The following CCBE1 variants were observed in gnomAD, a reference collection of about 807,000 sequenced individuals.
CCBE1 encodes the protein collagen and calcium binding EGF domains 1, also known as collagen and calcium-binding EGF domain-containing protein 1.
Under a neutral mutation model 50.0 loss-of-function variants are expected in CCBE1, and 37 were observed. The ratio of observed to expected loss-of-function variants is 0.74; its 90% CI spans 0.57 to 0.97. CCBE1 has a LOEUF of 0.97. CCBE1 is among the 50% of genes least tolerant of loss of function. CCBE1 has a pLI of 0.00. For synonymous variants in CCBE1, 234 were observed against 203.7 expected, an observed-to-expected ratio of 1.15 and a Z score of -1.27; for missense variants, 538 against 523.8, an observed-to-expected ratio of 1.03 and a Z score of -0.26.
At chr18:59,509,841 G>C (rs1441127201) in intron 2 of CCBE1, among the ~76,000 whole-genome samples, 1 of 151,986 alleles carries the variant, frequency 6.6e-6, no homozygotes, top group Non-Finnish European at 1.5e-5. Context: ...TTATTAATGA[G>C]CTGGGTGAGA....
chr18:59,525,911 T>C (rs531282187), intron 2 of CCBE1, among the ~76,000 whole-genome samples: 19 of 152,328 alleles, frequency 1.2e-4, no homozygotes, highest in South Asian at 1.2e-3. Flanking sequence ...TGTGTGGTCT[T>C]ATTTCTGAGT....
At chr18:59,538,232 C>T (rs1915329464) in intron 2 of CCBE1, among the ~76,000 whole-genome samples, 2 of 152,252 alleles carry the variant, frequency 1.3e-5, no homozygotes, top group East Asian at 1.9e-4. Flanking sequence ...TAGTAAATTC[C>T]CAATGTATCC....
chr18:59,643,032 C>G (rs1188853314), intron 2 of CCBE1, among the ~76,000 whole-genome samples: 1 of 150,990 alleles, frequency 6.6e-6, no homozygotes, highest in East Asian at 1.9e-4. Context: ...ATGTTCTAGG[C>G]AAATGGTTGT....
At chr18:59,635,504 T>C (rs1468572832) in intron 2 of CCBE1, among the ~76,000 whole-genome samples, 1 of 151,562 alleles carries the variant, frequency 6.6e-6, no homozygotes, top group Non-Finnish European at 1.5e-5. Context: ...AAATCTAATT[T>C]CCGGGAATTG....
intron 2 of CCBE1, among the ~76,000 whole-genome samples, chr18:59,624,103 A>G (rs1225502362): frequency 1.3e-5 from 2 of 152,214 alleles, no homozygotes; most frequent in African/African-American, 2.4e-5. Flanking sequence ...CAGAAATGCA[A>G]TTTAAGAAGA....
intron 2 of CCBE1, among the ~76,000 whole-genome samples, chr18:59,534,444 C>A (rs1178702507): frequency 6.6e-6 from 1 of 152,162 alleles, no homozygotes; most frequent in Non-Finnish European, 1.5e-5. Context: ...ACCAGCCAGG[C>A]CTTTGGGCTG....
chr18:59,555,725 G>A (rs561369166), intron 2 of CCBE1, among the ~76,000 whole-genome samples: 24 of 148,970 alleles, frequency 1.6e-4, no homozygotes, highest in African/African-American at 4.0e-4. Flanking sequence ...GAAACAGACC[G>A]ATTCCATTTC....
At chr18:59,600,405 G>T (rs990621751) in intron 2 of CCBE1, among the ~76,000 whole-genome samples, 2 of 151,984 alleles carry the variant, frequency 1.3e-5, no homozygotes, top group African/African-American at 4.8e-5. Flanking sequence ...GGTGAGTTGT[G>T]TAAGTATGTT....
At chr18:59,629,828 G>C (rs1442519689) in intron 2 of CCBE1, among the ~76,000 whole-genome samples, 3 of 152,158 alleles carry the variant, frequency 2.0e-5, no homozygotes, top group Admixed American at 1.3e-4. Context: ...GGTGCCTTCA[G>C]GGGGAGGTAG....
At chr18:59,454,214 T>C (rs903367764) in intron 6 of CCBE1, among the ~76,000 whole-genome samples, 6 of 152,172 alleles carry the variant, frequency 3.9e-5, no homozygotes, top group African/African-American at 1.4e-4. Flanking sequence ...ACATAGATTA[T>C]TTCCATAATC....
At chr18:59,553,646 A>G (rs1022536585) in intron 2 of CCBE1, among the ~76,000 whole-genome samples, 11 of 152,094 alleles carry the variant, frequency 7.2e-5, no homozygotes, top group African/African-American at 2.7e-4. Context: ...TCGCAGTGCC[A>G]CTCCTATTTG....
chr18:59,610,663 G>A (rs1002570646), intron 2 of CCBE1, among the ~76,000 whole-genome samples: 6 of 152,222 alleles, frequency 3.9e-5, no homozygotes, highest in African/African-American at 1.2e-4. Flanking sequence ...TTCCAACAGG[G>A]AAAGGAGCAT....
At chr18:59,679,732 C>T (rs1383221849) in intron 2 of CCBE1, among the ~76,000 whole-genome samples, 1 of 152,188 alleles carries the variant, frequency 6.6e-6, no homozygotes, top group Non-Finnish European at 1.5e-5. Flanking sequence ...TGAGGATGCG[C>T]GTCCATGACA....
intron 2 of CCBE1, among the ~76,000 whole-genome samples, chr18:59,494,179 T>C (rs1230193774): frequency 6.6e-6 from 1 of 152,202 alleles, no homozygotes; most frequent in Admixed American, 6.5e-5. Flanking sequence ...ATAAACTCAA[T>C]TTCAGGAGCC....
chr18:59,693,456 T>G (rs903480593), intron 2 of CCBE1, among the ~76,000 whole-genome samples: 1 of 152,118 alleles, frequency 6.6e-6, no homozygotes, highest in African/African-American at 2.4e-5. Flanking sequence ...TTGAGACCAG[T>G]TGACAAAAAG....
intron 2 of CCBE1, among the ~76,000 whole-genome samples, chr18:59,503,174 C>T (rs902819078): frequency 3.3e-5 from 5 of 152,186 alleles, no homozygotes; most frequent in Non-Finnish European, 5.9e-5. Flanking sequence ...GCAATGAAAA[C>T]TGTTCATGTG....
chr18:59,534,944 C>A (rs1482862014), intron 2 of CCBE1, among the ~76,000 whole-genome samples: 2 of 152,208 alleles, frequency 1.3e-5, no homozygotes, highest in Non-Finnish European at 2.9e-5. Context: ...CATTTTCCCT[C>A]ATTTTTAATT....
At chr18:59,688,679 A>T (rs1229803577) in intron 2 of CCBE1, among the ~76,000 whole-genome samples, 1 of 152,216 alleles carries the variant, frequency 6.6e-6, no homozygotes, top group African/African-American at 2.4e-5. Context: ...CTTCTTAGAA[A>T]CTGGCAGATT....
intron 2 of CCBE1, among the ~76,000 whole-genome samples, chr18:59,525,078 T>C (rs1208309735): frequency 6.6e-6 from 1 of 152,224 alleles, no homozygotes; most frequent in African/African-American, 2.4e-5. Flanking sequence ...TTATATTCCT[T>C]TGGGTACATA....
Sources: gnomAD v4.1 joint callset for allele counts (sites outside exome capture counted in the v4.1 genomes callset) on GRCh38, gnomAD v4.1.1 for gene constraint, MANE v1.5 for transcripts, NCBI Gene and HGNC (gene_info 2026-07-23, HGNC 2026-07-21) for gene names.